Variants in EYS observed in about 807,000 individuals in gnomAD.
EYS encodes the protein protein eyes shut homolog.
In EYS, 250 loss-of-function variants were observed where a neutral mutation model predicts 282.1. The observed-to-expected ratio is 0.89, with a 90% CI of 0.80 to 0.98. The LOEUF is 0.98. EYS is among the 50% of genes least tolerant of loss of function. EYS has a pLI of 0.00. For missense variants in EYS, 4,016 were observed against 3,709.0 expected, an observed-to-expected ratio of 1.08 and a Z score of -2.15; for synonymous variants, 1,355 against 1,282.9, an observed-to-expected ratio of 1.06 and a Z score of -1.20.
At chr6:64,661,097 T>C (rs1490589628) in intron 22 of EYS, among the ~76,000 whole-genome samples, 3 of 152,094 alleles carry the variant, frequency 2.0e-5, no homozygotes, top group Admixed American at 6.5e-5. Context: ...TCTACAACCA[T>C]CTGATCTTTG....
At chr6:64,032,271 G>A (rs759023236) in intron 33 of EYS, among the ~76,000 whole-genome samples, 2 of 152,260 alleles carry the variant, frequency 1.3e-5, no homozygotes, top group Non-Finnish European at 1.5e-5. Flanking sequence ...CACTCACCGC[G>A]AGGGTCCACG....
chr6:64,303,220 A>G (rs1466055897), intron 30 of EYS, among the ~76,000 whole-genome samples: 2 of 152,244 alleles, frequency 1.3e-5, no homozygotes, highest in Non-Finnish European at 2.9e-5. Flanking sequence ...AAGAGAGATT[A>G]TCATACCCCC....
At chr6:63,742,108 T>C (rs1344677027) in intron 41 of EYS, 1 of 616,064 alleles carries the variant, frequency 1.6e-6, no homozygotes, top group Non-Finnish European at 3.0e-6. Context: ...TGTACATCTG[T>C]CCTGCAGTTC....
intron 40 of EYS, among the ~76,000 whole-genome samples, chr6:63,771,692 T>C (rs1769929473): frequency 6.6e-6 from 1 of 152,184 alleles, no homozygotes; most frequent in Non-Finnish European, 1.5e-5. Context: ...GAAAAGAGGT[T>C]ACTCTTAAGC....
chr6:65,090,880 C>G (rs1487797966), intron 12 of EYS, among the ~76,000 whole-genome samples: 1 of 152,110 alleles, frequency 6.6e-6, no homozygotes, highest in Admixed American at 6.5e-5. Context: ...GTAATACTAA[C>G]CTGTCATAAG....
chr6:64,313,332 A>T (rs1302089786), intron 29 of EYS, among the ~76,000 whole-genome samples: 1 of 85,012 alleles, frequency 1.2e-5, no homozygotes, highest in Admixed American at 1.2e-4. Context: ...AAGATTAGAG[A>T]AAAAAGAGTG....
intron 24 of EYS, among the ~76,000 whole-genome samples, chr6:64,597,030 C>T (rs971703691): frequency 1.3e-5 from 2 of 151,644 alleles, no homozygotes. Flanking sequence ...AAAATATAAC[C>T]CCATCAAAAA....
chr6:64,544,274 T>C (rs1764780703), intron 26 of EYS, among the ~76,000 whole-genome samples: 1 of 152,212 alleles, frequency 6.6e-6, no homozygotes, highest in Non-Finnish European at 1.5e-5. Context: ...TAATAGTATA[T>C]GTAGTTGCAC....
At chr6:65,042,564 T>C (rs1017784605) in intron 13 of EYS, among the ~76,000 whole-genome samples, 15 of 151,488 alleles carry the variant, frequency 9.9e-5, no homozygotes, top group Non-Finnish European at 2.2e-4. Context: ...AAATTTGCAC[T>C]ACTACACATA....
chr6:65,054,627 T>G (rs1018054215), intron 13 of EYS, among the ~76,000 whole-genome samples: 2 of 152,056 alleles, frequency 1.3e-5, no homozygotes, highest in African/African-American at 4.8e-5. Flanking sequence ...AATGTATTTA[T>G]GTCTAGGATA....
chr6:64,993,340 C>T (rs1040351178), intron 14 of EYS, among the ~76,000 whole-genome samples: 6 of 151,562 alleles, frequency 4.0e-5, no homozygotes, highest in African/African-American at 9.7e-5. Context: ...GGTATATACC[C>T]AGTAATGGGA....
intron 35 of EYS, among the ~76,000 whole-genome samples, chr6:63,900,967 A>C (rs1455056260): frequency 6.6e-6 from 1 of 152,206 alleles, no homozygotes; most frequent in Non-Finnish European, 1.5e-5. Context: ...AAAGGCCAGT[A>C]CTCAACAAAA....
At chr6:64,559,387 C>T (rs958854053) in intron 26 of EYS, among the ~76,000 whole-genome samples, 4 of 151,030 alleles carry the variant, frequency 2.6e-5, no homozygotes, top group East Asian at 3.9e-4. Flanking sequence ...TTGAAGTCCT[C>T]GTCTCAAGGG....
chr6:64,945,589 T>A (rs1278438133), intron 15 of EYS, among the ~76,000 whole-genome samples: 1 of 152,072 alleles, frequency 6.6e-6, no homozygotes, highest in Non-Finnish European at 1.5e-5. Flanking sequence ...AAGTTAAAAT[T>A]TGTTTATACT....
At chr6:64,202,532 T>C (rs1765490295) in intron 31 of EYS, among the ~76,000 whole-genome samples, 1 of 152,198 alleles carries the variant, frequency 6.6e-6, no homozygotes, top group African/African-American at 2.4e-5. Flanking sequence ...AAGTGTGAAA[T>C]TGGATTAGGT....
chr6:63,993,827 C>T (rs1020084901), intron 34 of EYS, among the ~76,000 whole-genome samples: 1 of 151,754 alleles, frequency 6.6e-6, no homozygotes, highest in African/African-American at 2.4e-5. Context: ...CCAAAGGATG[C>T]CAAATAGCCA....
intron 22 of EYS, among the ~76,000 whole-genome samples, chr6:64,657,611 T>C (rs571294672): frequency 0.029 from 4,392 of 152,234 alleles, 117 homozygotes; most frequent in Non-Finnish European, 0.035. Flanking sequence ...CCTTCACTTA[T>C]GAAGCTTAGT....
intron 13 of EYS, among the ~76,000 whole-genome samples, chr6:65,007,645 C>T (rs1329626930): frequency 6.6e-6 from 1 of 152,090 alleles, no homozygotes; most frequent in Non-Finnish European, 1.5e-5. Context: ...ACTCTTTCCC[C>T]AATGAATAAG....
chr6:65,242,969 T>C (rs1177055969), intron 12 of EYS, among the ~76,000 whole-genome samples: 1 of 152,194 alleles, frequency 6.6e-6, no homozygotes, highest in Non-Finnish European at 1.5e-5. Flanking sequence ...TGTTTATTTC[T>C]GTATTGTTAT....
Sources: allele counts gnomAD v4.1 joint callset (sites outside exome capture counted in the v4.1 genomes callset), GRCh38; gene constraint gnomAD v4.1.1; transcripts MANE v1.5; gene names NCBI Gene and HGNC (gene_info 2026-07-23, HGNC 2026-07-21).